The following MYO3A variants were observed in gnomAD, a reference collection of about 807,000 sequenced individuals.
MYO3A encodes the protein myosin IIIA, also known as myosin-IIIa.
In MYO3A, 180 loss-of-function variants were observed where a neutral mutation model predicts 192.7. The ratio of observed to expected loss-of-function variants is 0.93; its 90% CI spans 0.83 to 1.06. The LOEUF (loss-of-function observed/expected upper bound fraction) is 1.06, where lower values mean the gene tolerates loss of function less well. Among genes scored for constraint, MYO3A ranks in the 50% least tolerant of loss-of-function variants. MYO3A has a pLI of 0.00. For missense variants in MYO3A, 1,896 were observed against 1,905.0 expected (o/e 1.00, Z 0.09); for synonymous variants, 628 against 645.3 (o/e 0.97, Z 0.41).
chr10:26,202,970 A>G lies in MYO3A; in HGVS notation c.4593A>G (p.Gly1531=), dbSNP rs1361252335. 2.5e-6 allele frequency: 4 copies of G among 1,613,622 alleles called. No homozygotes were observed. The Admixed American group carries it at 6.7e-5, about 27-fold the overall frequency. ...TTTATGTGTTCATTTACAGTCAGGG[A>G]AAATTATTAGATTTGGAAGATTTCT... ...EKRRPRKDSQ[G]KLLDLEDFYY... The change falls in exon 34 of 35, where the codon GGA becomes GGG. Residue 1531 remains glycine (G), a synonymous_variant. Coordinates refer to ENST00000642920, the MANE Select transcript of MYO3A (RefSeq NM_017433.5).
intron 31 of MYO3A, 139 bp downstream of exon 31, chr10:26,176,984 T>G (rs1156380277): frequency 2.8e-5 from 28 of 989,290 alleles, no homozygotes; most frequent in Non-Finnish European, 4.1e-5. Flanking sequence ...TCATTTCTTA[T>G]ATGGAGATAC....
intron 33 of MYO3A, among the ~76,000 whole-genome samples, chr10:26,201,575 A>C (rs1464098332): frequency 1.3e-5 from 2 of 151,706 alleles, no homozygotes; most frequent in East Asian, 3.9e-4. Flanking sequence ...AGTCCCAGCT[A>C]CTCAGGAGGC....
chr10:26,128,576 A>G (rs770688283), intron 20 of MYO3A, 38 bp downstream of exon 20: 1 of 1,569,632 alleles, frequency 6.4e-7, no homozygotes, highest in African/African-American at 1.3e-5. Flanking sequence ...GCATGCATGC[A>G]TGTATTATAG....
chr10:26,005,793 TA>T (rs1318067847), intron 6 of MYO3A, among the ~76,000 whole-genome samples: 26 of 152,120 alleles, frequency 1.7e-4, no homozygotes, highest in African/African-American at 6.0e-4. Context: ...AAAAAGAAAC[TA>T]GGGGGAAACC....
chr10:26,082,757 TCTC>T (rs1308918955), intron 14 of MYO3A, among the ~76,000 whole-genome samples: 7 of 42,312 alleles, frequency 1.7e-4, no homozygotes, highest in African/African-American at 3.1e-4. Context: ...TCTCTCTTTT[TCTC>T]TCTCTCTCTC....
At chr10:26,045,600 C>T (rs1201550600) in intron 10 of MYO3A, among the ~76,000 whole-genome samples, 1 of 152,140 alleles carries the variant, frequency 6.6e-6, no homozygotes, top group East Asian at 1.9e-4. Flanking sequence ...AGGTGACAGA[C>T]AGACTTTTGT....
rs1033907660 is a variant in MYO3A, at chr10:25,952,393, A to G, written c.168+115A>G. 5 of 1,183,030 alleles carry G rather than the reference A, an allele frequency of 4.2e-6. No individual in the cohort carries two copies. In the Admixed American group the frequency reaches 1.0e-4, roughly 24 times the overall value. The allele number at this position is 1,183,030 out of a possible 1,614,324, so 73.3% of individuals were successfully genotyped here. On this transcript the variant is annotated intron_variant, in intron 3 of 34. Coordinates refer to ENST00000642920, the MANE Select transcript of MYO3A (RefSeq NM_017433.5). ...CAATAGCAGTCTAAAACAGGTTACA[A>G]TTTGAAGATAAATGTAAAAGAGAAG...
At chr10:26,090,476 T>C (rs981782921) in intron 15 of MYO3A, among the ~76,000 whole-genome samples, 4 of 152,256 alleles carry the variant, frequency 2.6e-5, no homozygotes, top group African/African-American at 4.8e-5. Context: ...AGTTTGCTTA[T>C]TGGGGAAAAG....
At chr10:26,038,283 T>C (rs891202390) in intron 10 of MYO3A, among the ~76,000 whole-genome samples, 9 of 152,318 alleles carry the variant, frequency 5.9e-5, no homozygotes, top group Middle Eastern at 3.4e-3. Flanking sequence ...AATCTGTAGA[T>C]TGCTTTGGGT....
chr10:26,003,558 T>A (rs1840987222), intron 6 of MYO3A, among the ~76,000 whole-genome samples: 1 of 152,128 alleles, frequency 6.6e-6, no homozygotes, highest in South Asian at 2.1e-4. Context: ...AAATGACAAG[T>A]GAGGTTATAA....
intron 14 of MYO3A, among the ~76,000 whole-genome samples, chr10:26,075,788 T>C (rs937764136): frequency 2.0e-5 from 3 of 148,320 alleles, no homozygotes; most frequent in South Asian, 4.2e-4. Flanking sequence ...ATGATATATA[T>C]GTCTCTCTCA....
intron 2 of MYO3A, among the ~76,000 whole-genome samples, chr10:25,945,376 T>TA (rs1300365624): frequency 2.0e-5 from 3 of 152,114 alleles, no homozygotes; most frequent in Non-Finnish European, 4.4e-5. Flanking sequence ...ATATGTCTGT[T>TA]AGATCCAATT....
chr10:26,017,520 G>A (rs982219395), intron 7 of MYO3A, among the ~76,000 whole-genome samples: 3 of 152,076 alleles, frequency 2.0e-5, no homozygotes, highest in African/African-American at 7.2e-5. Flanking sequence ...CAACTGTTGG[G>A]GAAAGCGCTG....
chr10:25,994,726 A>C (rs1482139503), intron 4 of MYO3A, among the ~76,000 whole-genome samples: 1 of 152,112 alleles, frequency 6.6e-6, no homozygotes, highest in Non-Finnish European at 1.5e-5. Flanking sequence ...ATCTCTCGGC[A>C]TTTGCTTGTC....
intron 7 of MYO3A, among the ~76,000 whole-genome samples, chr10:26,019,148 T>C (rs191320384): frequency 3.7e-4 from 56 of 152,224 alleles, no homozygotes; most frequent in African/African-American, 1.1e-3. Context: ...CATCTTTGCC[T>C]AAACTCTCCT....
chr10:26,107,253 G>A (rs931812285), intron 17 of MYO3A, among the ~76,000 whole-genome samples: 5 of 152,140 alleles, frequency 3.3e-5, no homozygotes, highest in African/African-American at 7.2e-5. Flanking sequence ...AGGCCGAGGC[G>A]GGTGGATCAC....
chr10:26,118,454 A>G (rs2131686199), intron 17 of MYO3A, among the ~76,000 whole-genome samples: 1 of 152,214 alleles, frequency 6.6e-6, no homozygotes, highest in South Asian at 2.1e-4. Flanking sequence ...GTTATATCCA[A>G]GCCACTGTTA....
intron 10 of MYO3A, among the ~76,000 whole-genome samples, chr10:26,053,698 G>A (rs115014686): frequency 0.16 from 24,609 of 151,852 alleles, 2,269 homozygotes; most frequent in Non-Finnish European, 0.21. Context: ...GGTGGTGTGT[G>A]CCTGTAATTC....
chr10:26,039,572 G>T (rs1843225353), intron 10 of MYO3A, among the ~76,000 whole-genome samples: 1 of 151,898 alleles, frequency 6.6e-6, no homozygotes, highest in Non-Finnish European at 1.5e-5. Context: ...ACTTCATATT[G>T]GTCTGTTCAG....
Sources: gnomAD v4.1 joint callset for allele counts (sites outside exome capture counted in the v4.1 genomes callset) on GRCh38, gnomAD v4.1.1 for gene constraint, MANE v1.5 for transcripts, NCBI Gene and HGNC (gene_info 2026-07-23, HGNC 2026-07-21) for gene names.